IFT80: variants seen among roughly 807,000 people sequenced by gnomAD.
The protein encoded by IFT80 is intraflagellar transport 80.
A neutral mutation model predicts 107.9 loss-of-function variants in IFT80; 79 were observed. The ratio of observed to expected loss-of-function variants is 0.73; its 90% confidence interval spans 0.61 to 0.88. IFT80 has a LOEUF of 0.88. Ranked by LOEUF, IFT80 falls within the 40% of genes least tolerant of loss-of-function variation. The probability of loss-of-function intolerance (pLI) is 0.00; values close to 1 mark genes in which losing one functional copy is unlikely to be tolerated. For synonymous variants in IFT80, 299 were observed against 300.9 expected (o/e 0.99, Z 0.07); for missense variants, 797 against 914.2 (o/e 0.87, Z 1.65).
intron 6 of IFT80, among the ~76,000 whole-genome samples, chr3:160,365,057 T>G (rs1721775311): frequency 6.6e-6 from 1 of 151,576 alleles, no homozygotes; most frequent in East Asian, 1.9e-4. Context: ...AGGTATAAAC[T>G]AAAAGATTCA....
At chr3:160,288,265 G>A (rs977892413) in intron 12 of IFT80, among the ~76,000 whole-genome samples, 6 of 152,038 alleles carry the variant, frequency 3.9e-5, no homozygotes, top group South Asian at 2.1e-4. Context: ...CCCGGGAGGC[G>A]GAGCTTGCAG....
At position 160,333,335 on chromosome 3, in the gene IFT80, T is replaced by A. The variant is rs982843782; in HGVS notation, c.778-13396A>T. ...CACTGTATACTTAGGCTACTAAAGTTATTAAAAAAATTTTTCTTTCTTCAA... is the reference window on the plus strand; with the variant it reads ...CACTGTATACTTAGGCTACTAAAGTAATTAAAAAAATTTTTCTTTCTTCAA... On this transcript the variant is annotated intron_variant, in intron 8 of 19. Coordinates refer to ENST00000326448, the MANE Select transcript of IFT80 (RefSeq NM_020800.3). Among the ~76,000 whole-genome samples the A allele has an allele frequency of 3.8e-4, 58 of 152,298 alleles. 1 individual carries two copies. The highest frequency in any genetic ancestry group is 1.3e-3 in the African/African-American group (53 of 41,568).
rs372796546 is a variant in IFT80 at position 160,298,500 on chromosome 3, T to C, written c.1315+2383A>G. 3.3e-5 allele frequency among the ~76,000 whole-genome samples: 5 copies of C among 152,192 alleles called. No homozygotes were observed. The South Asian group carries it at 1.0e-3, about 31-fold the overall frequency. Reference sequence around the variant, plus strand: ...ATATAAATTCATATTTCTGTAAATGTTAATAATTCTTTCTAGCTTTAAAAT... The same window carrying C: ...ATATAAATTCATATTTCTGTAAATGCTAATAATTCTTTCTAGCTTTAAAAT... On this transcript the variant is annotated intron_variant, in intron 12 of 19. Transcript: ENST00000326448.
intron 1 of IFT80, among the ~76,000 whole-genome samples, chr3:160,390,417 C>CAAAAAA (rs1289410578): frequency 0.039 from 4,226 of 108,012 alleles, 218 homozygotes; most frequent in African/African-American, 0.14. Context: ...AATTCCGTCT[C>CAAAAAA]AAAAAAAAAA....
intron 3 of IFT80, among the ~76,000 whole-genome samples, chr3:160,379,268 TG>T (rs1314939301): frequency 6.6e-6 from 1 of 152,110 alleles, no homozygotes; most frequent in Non-Finnish European, 1.5e-5. Flanking sequence ...CACAAAAGAC[TG>T]AAGAGTTGTT....
intron 16 of IFT80, 134 bp downstream of exon 16, chr3:160,279,059 T>C: frequency 1.5e-6 from 1 of 682,630 alleles, no homozygotes; most frequent in Non-Finnish European, 2.5e-6. Context: ...ATTGCCCATG[T>C]CTTTACTTAT....
intron 6 of IFT80, among the ~76,000 whole-genome samples, chr3:160,358,381 C>T (rs569396414): frequency 4.6e-5 from 7 of 151,818 alleles, no homozygotes; most frequent in African/African-American, 1.2e-4. Flanking sequence ...TCATTCTGTT[C>T]GTCATATTCT....
chr3:160,277,499 AT>A, intron 17 of IFT80, 21 bp from the exon 18 acceptor site: 1 of 1,580,406 alleles, frequency 6.3e-7, no homozygotes, highest in South Asian at 1.1e-5. Context: ...AAAGAAAAAT[AT>A]TGAAGTAGAT....
chr3:160,328,950 A>C (rs1158892733), intron 8 of IFT80, among the ~76,000 whole-genome samples: 2 of 151,940 alleles, frequency 1.3e-5, no homozygotes, highest in Admixed American at 6.6e-5. Flanking sequence ...AATGATGAGA[A>C]TACATGGACA....
At chr3:160,275,378 G>A (rs1714176320) in intron 18 of IFT80, among the ~76,000 whole-genome samples, 1 of 151,910 alleles carries the variant, frequency 6.6e-6, no homozygotes, top group African/African-American at 2.4e-5. Context: ...ATGTACTGCT[G>A]GTACCATTGT....
At chr3:160,348,205 T>C (rs999982468) in intron 8 of IFT80, among the ~76,000 whole-genome samples, 1 of 152,212 alleles carries the variant, frequency 6.6e-6, no homozygotes. Flanking sequence ...CTATGAACTA[T>C]TCATGCTTTT....
intron 19 of IFT80, among the ~76,000 whole-genome samples, chr3:160,266,860 A>T (rs558345164): frequency 6.6e-6 from 1 of 152,226 alleles, no homozygotes; most frequent in South Asian, 2.1e-4. Flanking sequence ...AGATCAGATT[A>T]CCTGACCTTT....
intron 16 of IFT80, 117 bp from the exon 17 acceptor site, chr3:160,277,787 G>T: frequency 1.4e-6 from 1 of 716,102 alleles, no homozygotes; most frequent in Non-Finnish European, 2.4e-6. Context: ...AAAAATTACT[G>T]AGCAGGGCAT....
chr3:160,374,448 C>T (rs548385234), intron 5 of IFT80, among the ~76,000 whole-genome samples: 53 of 151,470 alleles, frequency 3.5e-4, no homozygotes, highest in African/African-American at 1.3e-3. Context: ...AAGAAAAAAT[C>T]TTCCATGGTG....
intron 16 of IFT80, among the ~76,000 whole-genome samples, chr3:160,278,769 G>A (rs1448839452): frequency 1.3e-5 from 2 of 152,204 alleles, no homozygotes; most frequent in Admixed American, 1.3e-4. Context: ...GGTCAAACAT[G>A]TTTGAAAAAT....
chr3:160,388,727 T>C (rs1184399441), intron 1 of IFT80, among the ~76,000 whole-genome samples: 2 of 152,010 alleles, frequency 1.3e-5, no homozygotes, highest in East Asian at 3.8e-4. Flanking sequence ...TCCAGTGATC[T>C]TAAAATAGGA....
intron 8 of IFT80, among the ~76,000 whole-genome samples, chr3:160,338,045 A>C (rs1431421003): frequency 2.0e-5 from 3 of 152,118 alleles, no homozygotes; most frequent in Non-Finnish European, 4.4e-5. Context: ...ATCACTTTCT[A>C]TCAAAACTTT....
intron 3 of IFT80, among the ~76,000 whole-genome samples, chr3:160,381,013 T>C (rs768764827): frequency 9.9e-5 from 15 of 151,696 alleles, no homozygotes; most frequent in South Asian, 2.1e-4. Context: ...GGAAGGAAGA[T>C]TGCTTGAGGC....
intron 19 of IFT80, among the ~76,000 whole-genome samples, chr3:160,261,165 C>T (rs1576713964): frequency 6.6e-6 from 1 of 152,210 alleles, no homozygotes; most frequent in Non-Finnish European, 1.5e-5. Flanking sequence ...CCTTCTTCTT[C>T]TCATTCCTGA....
Sources: allele counts gnomAD v4.1 joint callset (sites outside exome capture counted in the v4.1 genomes callset), GRCh38; gene constraint gnomAD v4.1.1; transcripts MANE v1.5; gene names NCBI Gene and HGNC (gene_info 2026-07-23, HGNC 2026-07-21).